MYO1D: variants seen among roughly 807,000 people sequenced by gnomAD.
MYO1D encodes the protein unconventional myosin-Id.
Under a neutral mutation model 122.0 loss-of-function variants are expected in MYO1D, and 83 were observed. The ratio of observed to expected loss-of-function variants is 0.68; its 90% CI spans 0.57 to 0.82. The LOEUF (loss-of-function observed/expected upper bound fraction) is 0.82. Ranked by LOEUF, MYO1D falls within the 40% of genes least tolerant of loss-of-function variation. The pLI, the probability that MYO1D is intolerant of heterozygous loss-of-function variation, is 0.00. For synonymous variants in MYO1D, 464 were observed against 446.9 expected (o/e 1.04, Z -0.48); for missense variants, 1,157 against 1,269.5 (o/e 0.91, Z 1.35).
At chr17:32,864,007 C>CTTTTCTT (rs2091100932) in intron 1 of MYO1D, among the ~76,000 whole-genome samples, 1 of 48,960 alleles carries the variant, frequency 2.0e-5, no homozygotes, top group African/African-American at 1.0e-4. Context: ...ACATTTCTTC[C>CTTTTCTT]TTTTTTTTTT....
chr17:32,835,052 C>T (rs2151069342), intron 1 of MYO1D, among the ~76,000 whole-genome samples: 1 of 152,120 alleles, frequency 6.6e-6, no homozygotes, highest in Non-Finnish European at 1.5e-5. Flanking sequence ...TTTCTTCAAC[C>T]GCTTCCCATT....
intron 21 of MYO1D, among the ~76,000 whole-genome samples, chr17:32,556,265 C>T (rs902128417): frequency 2.2e-4 from 34 of 152,206 alleles, no homozygotes; most frequent in African/African-American, 7.7e-4. Flanking sequence ...ATTTTTCTAA[C>T]TTAATGCAGT....
intron 21 of MYO1D, among the ~76,000 whole-genome samples, chr17:32,597,220 T>A (rs2087503160): frequency 6.6e-6 from 1 of 152,122 alleles, no homozygotes; most frequent in Non-Finnish European, 1.5e-5. Context: ...AAATTTTAGA[T>A]CAGTAACACA....
intron 14 of MYO1D, among the ~76,000 whole-genome samples, chr17:32,737,111 G>C (rs954706738): frequency 6.6e-6 from 1 of 152,140 alleles, no homozygotes; most frequent in African/African-American, 2.4e-5. Context: ...CAAATTCTTA[G>C]AGAGGAAGTT....
chr17:32,635,734 T>C (rs1324993114), intron 20 of MYO1D, among the ~76,000 whole-genome samples: 1 of 151,802 alleles, frequency 6.6e-6, no homozygotes, highest in African/African-American at 2.4e-5. Flanking sequence ...TAAGACAGAA[T>C]GCGCTTACAG....
intron 11 of MYO1D, among the ~76,000 whole-genome samples, chr17:32,753,187 G>A (rs1428561629): frequency 6.6e-6 from 1 of 152,050 alleles, no homozygotes; most frequent in Non-Finnish European, 1.5e-5. Flanking sequence ...GCTTGTAAGT[G>A]GTAGCTAAAC....
intron 21 of MYO1D, among the ~76,000 whole-genome samples, chr17:32,558,591 C>G (rs1462903530): frequency 2.0e-5 from 3 of 152,166 alleles, no homozygotes; most frequent in African/African-American, 7.2e-5. Flanking sequence ...TCAAGAGAAC[C>G]AGGCTTCCTC....
chr17:32,502,936 C>T (rs1247326164), intron 21 of MYO1D, among the ~76,000 whole-genome samples: 3 of 152,114 alleles, frequency 2.0e-5, no homozygotes, highest in Admixed American at 6.5e-5. Flanking sequence ...TATTTTTTTT[C>T]CCTCCCCATC....
intron 16 of MYO1D, among the ~76,000 whole-genome samples, chr17:32,707,909 C>A (rs1258983280): frequency 6.6e-6 from 1 of 152,172 alleles, no homozygotes; most frequent in Non-Finnish European, 1.5e-5. Flanking sequence ...CAGCTCATTG[C>A]TGGAGGAATT....
intron 21 of MYO1D, among the ~76,000 whole-genome samples, chr17:32,553,242 C>T (rs2087037388): frequency 6.6e-6 from 1 of 152,162 alleles, no homozygotes; most frequent in African/African-American, 2.4e-5. Context: ...TAGAAAACTA[C>T]TACACAAGGT....
chr17:32,714,561 A>G (rs2089418869), intron 15 of MYO1D, among the ~76,000 whole-genome samples: 1 of 152,214 alleles, frequency 6.6e-6, no homozygotes, highest in Admixed American at 6.5e-5. Context: ...CACAAAAACA[A>G]GCAATGGGGA....
At chr17:32,542,461 C>G (rs185277005) in intron 21 of MYO1D, among the ~76,000 whole-genome samples, 39 of 152,208 alleles carry the variant, frequency 2.6e-4, no homozygotes, top group African/African-American at 8.7e-4. Flanking sequence ...CCTATTTCAG[C>G]TGTGGTTTTG....
At chr17:32,505,919 C>T (rs2150856056) in intron 21 of MYO1D, among the ~76,000 whole-genome samples, 1 of 152,306 alleles carries the variant, frequency 6.6e-6, no homozygotes, top group Admixed American at 6.5e-5. Flanking sequence ...AAGGGCAAAA[C>T]AAACGCTTTC....
chr17:32,761,148 C>T (rs1567628277), intron 8 of MYO1D, among the ~76,000 whole-genome samples: 1 of 152,322 alleles, frequency 6.6e-6, no homozygotes, highest in Admixed American at 6.5e-5. Flanking sequence ...CACTAAGCCA[C>T]ACATGGACAA....
intron 1 of MYO1D, among the ~76,000 whole-genome samples, chr17:32,869,383 T>C (rs2091158824): frequency 6.6e-6 from 1 of 152,244 alleles, no homozygotes; most frequent in Admixed American, 6.5e-5. Flanking sequence ...GACCCCATTA[T>C]GAATATAGTT....
chr17:32,737,656 T>G (rs2089721102), intron 14 of MYO1D, among the ~76,000 whole-genome samples: 1 of 152,200 alleles, frequency 6.6e-6, no homozygotes, highest in South Asian at 2.1e-4. Flanking sequence ...ATTTTTTAAC[T>G]TTTTGCAGAA....
intron 1 of MYO1D, among the ~76,000 whole-genome samples, chr17:32,830,987 C>T (rs767025863): frequency 1.1e-4 from 17 of 151,990 alleles, no homozygotes; most frequent in Non-Finnish European, 1.9e-4. Context: ...ACCCAGGAGG[C>T]GGAGGTTGCA....
chr17:32,711,547 G>A (rs1482965594), intron 16 of MYO1D, among the ~76,000 whole-genome samples: 1 of 152,050 alleles, frequency 6.6e-6, no homozygotes, highest in Non-Finnish European at 1.5e-5. Context: ...TCGGGAGGCT[G>A]AGGCAGGAGA....
intron 11 of MYO1D, among the ~76,000 whole-genome samples, chr17:32,752,191 T>G (rs1008527318): frequency 1.3e-5 from 2 of 152,204 alleles, no homozygotes; most frequent in African/African-American, 2.4e-5. Context: ...CATACGCTAT[T>G]CACTAAGTGG....
Sources: gnomAD v4.1 joint callset for allele counts (sites outside exome capture counted in the v4.1 genomes callset) on GRCh38, gnomAD v4.1.1 for gene constraint, MANE v1.5 for transcripts, NCBI Gene and HGNC (gene_info 2026-07-23, HGNC 2026-07-21) for gene names.